GABRA1: variants seen among roughly 807,000 people sequenced by gnomAD.
GABRA1 encodes the protein gamma-aminobutyric acid type A receptor subunit alpha1.
Under a neutral mutation model 48.9 loss-of-function variants are expected in GABRA1, and 9 were observed. That is an observed-to-expected ratio of 0.18 (90% confidence interval 0.11 to 0.32). The LOEUF is 0.32. Among genes scored for constraint, GABRA1 ranks in the 10% least tolerant of loss-of-function variants. GABRA1 has a pLI of 1.00. For missense variants in GABRA1, 285 were observed against 553.8 expected (o/e 0.51, Z 4.87); for synonymous variants, 210 against 198.7 (o/e 1.06, Z -0.48).
chr5:161,881,354 G>A (rs781162311), intron 6 of GABRA1, among the ~76,000 whole-genome samples: 1 of 152,082 alleles, frequency 6.6e-6, no homozygotes, highest in African/African-American at 2.4e-5. Flanking sequence ...ATCAGAAAAG[G>A]TATGGAATTC....
chr5:161,853,993 C>A (rs1757548287), intron 2 of GABRA1, among the ~76,000 whole-genome samples, 165 bp from the exon 3 acceptor site: 1 of 151,564 alleles, frequency 6.6e-6, no homozygotes, highest in Admixed American at 6.6e-5. Context: ...TAATTAAATG[C>A]CCAGAGTTTA....
At position 161,897,155 on chromosome 5, in the gene GABRA1, C is replaced by T. The variant is rs771832995; in HGVS notation, c.1104C>T (p.Tyr368=). Residue 368 remains tyrosine (Y), a synonymous_variant, in exon 10 of 10, where the codon TAC becomes TAT. Coordinates refer to ENST00000393943, the MANE Select transcript of GABRA1 (RefSeq NM_001127644.2). ...KDPLIKKNNT[Y]APTATSYTPN... is the part of the protein sequence containing the mutation. ...CTCTTATTAAGAAAAACAACACTTACGCTCCAACAGCAACCAGCTACACCC... is the reference window on the plus strand; with the variant it reads ...CTCTTATTAAGAAAAACAACACTTATGCTCCAACAGCAACCAGCTACACCC... The T allele has an allele frequency of 3.4e-5, 55 of 1,613,902 alleles. No homozygotes were observed. The Middle Eastern group carries it at 4.9e-4, about 14-fold the overall frequency.
rs1476709358 is a variant in GABRA1 at position 161,850,839 on chromosome 5, G to C, written c.29G>C (p.Cys10Ser). Residue 10 changes from cysteine (C) to serine (S), a missense_variant, in exon 2 of 10, where the codon TGT becomes TCT. Coordinates refer to ENST00000393943, the MANE Select transcript of GABRA1 (RefSeq NM_001127644.2). MRKSPGLSD[C>S]LWAWILLLST... ...AGGAAAAGTCCAGGTCTGTCTGACTGTCTTTGGGCCTGGATCCTCCTTCTG... is the reference window on the plus strand; with the variant it reads ...AGGAAAAGTCCAGGTCTGTCTGACTCTCTTTGGGCCTGGATCCTCCTTCTG... 4 of 1,614,112 alleles carry C rather than the reference G, an allele frequency of 2.5e-6. No individual in the cohort carries two copies. The highest frequency in any genetic ancestry group is 1.7e-5 in the Admixed American group (1 of 60,008).
intron 7 of GABRA1, among the ~76,000 whole-genome samples, chr5:161,884,710 G>C (rs943735660): frequency 6.6e-6 from 1 of 152,124 alleles, no homozygotes; most frequent in Non-Finnish European, 1.5e-5. Flanking sequence ...AAGGAAGTTG[G>C]AGAATGTTGG....
chr5:161,879,650 T>C (rs1282861198), intron 6 of GABRA1, among the ~76,000 whole-genome samples: 1 of 152,186 alleles, frequency 6.6e-6, no homozygotes, highest in African/African-American at 2.4e-5. Context: ...CATCTTAAAA[T>C]ACTAACTTGC....
intron 2 of GABRA1, among the ~76,000 whole-genome samples, chr5:161,852,113 A>G (rs1028645461): frequency 6.6e-6 from 1 of 152,100 alleles, no homozygotes; most frequent in African/African-American, 2.4e-5. Flanking sequence ...ATGAAATGTC[A>G]TTAAAAAATC....
chr5:161,868,935 A>G (rs1753992068), intron 4 of GABRA1, among the ~76,000 whole-genome samples: 1 of 152,180 alleles, frequency 6.6e-6, no homozygotes, highest in African/African-American at 2.4e-5. Context: ...CCAACCAACA[A>G]TATTCCCTAT....
intron 4 of GABRA1, among the ~76,000 whole-genome samples, chr5:161,870,105 C>T (rs914178197): frequency 9.2e-5 from 14 of 152,132 alleles, no homozygotes; most frequent in African/African-American, 3.1e-4. Flanking sequence ...TCACTTCTCA[C>T]GATTGCAGGG....
chr5:161,850,616 T>C (rs1457771851), intron 1 of GABRA1, 180 bp from the exon 2 acceptor site: 6 of 620,978 alleles, frequency 9.7e-6, no homozygotes, highest in African/African-American at 3.7e-5. Flanking sequence ...AATGGAGAAA[T>C]GGAAGGGAAA....
intron 7 of GABRA1, among the ~76,000 whole-genome samples, chr5:161,887,186 A>G (rs1013266753): frequency 6.6e-6 from 1 of 152,180 alleles, no homozygotes; most frequent in Non-Finnish European, 1.5e-5. Flanking sequence ...TTTCTTCTGA[A>G]TGACTATTGT....
intron 4 of GABRA1, among the ~76,000 whole-genome samples, chr5:161,870,593 A>AAAAGAAAT (rs1561574024): frequency 6.7e-6 from 1 of 150,028 alleles, no homozygotes; most frequent in Non-Finnish European, 1.5e-5. Flanking sequence ...GAAAAAGAAA[A>AAAAGAAAT]AAAGAAAGAA....
Position 161,897,206 on chromosome 5 carries a change from C to A in GABRA1, c.1155C>A (p.Gly385=), listed in dbSNP as rs41308303. 1.1e-3 allele frequency: 1,851 copies of A among 1,614,124 alleles called. 2 individuals carry two copies. The highest frequency in any genetic ancestry group is 1.5e-3 in the Non-Finnish European group (1,732 of 1,180,006). The change falls in exon 10 of 10, where the codon GGC becomes GGA. Residue 385 remains glycine, a synonymous_variant. Transcript: ENST00000393943. The stretch of plus-strand genomic sequence containing the variant: ...CTAATTTGGCCAGGGGCGACCCGGG[C>A]TTAGCCACCATTGCTAAAAGTGCAA... ...YTPNLARGDP[G]LATIAKSATI... is the part of the protein sequence containing the mutation.
intron 2 of GABRA1, among the ~76,000 whole-genome samples, chr5:161,852,867 GTGTT>G (rs1757506365): frequency 6.6e-6 from 1 of 151,766 alleles, no homozygotes; most frequent in African/African-American, 2.4e-5. Context: ...CTGCAAAACA[GTGTT>G]TGTTTTTGAA....
intron 2 of GABRA1, 146 bp from the exon 3 acceptor site, chr5:161,854,012 A>G (rs929425192): frequency 1.7e-5 from 9 of 516,048 alleles, no homozygotes; most frequent in Non-Finnish European, 2.7e-5. Flanking sequence ...TAAAAATAAC[A>G]TTCCTTTTTA....
At chr5:161,884,495 G>A (rs1329607320) in intron 7 of GABRA1, among the ~76,000 whole-genome samples, 2 of 152,114 alleles carry the variant, frequency 1.3e-5, no homozygotes, top group African/African-American at 2.4e-5. Context: ...TGAGACATAG[G>A]AGGCATTGAA....
At chr5:161,875,791 G>T in intron 6 of GABRA1, 149 bp downstream of exon 6, 2 of 691,884 alleles carry the variant, frequency 2.9e-6, no homozygotes, top group East Asian at 5.4e-5. Context: ...AGTGCTCTGT[G>T]ACTTCACTTT....
At chr5:161,893,030 T>TAAA (rs1755182591) in intron 8 of GABRA1, among the ~76,000 whole-genome samples, 1 of 137,086 alleles carries the variant, frequency 7.3e-6, no homozygotes, top group Admixed American at 7.6e-5. Context: ...ATAATAATAA[T>TAAA]AATAATAATA....
At chr5:161,888,680 A>G (rs1754954354) in intron 7 of GABRA1, among the ~76,000 whole-genome samples, 1 of 151,980 alleles carries the variant, frequency 6.6e-6, no homozygotes, top group African/African-American at 2.4e-5. Flanking sequence ...GAAGTGTAGC[A>G]TGGGTATGTC....
chr5:161,879,864 T>A (rs1052188754), intron 6 of GABRA1, among the ~76,000 whole-genome samples: 2 of 152,176 alleles, frequency 1.3e-5, no homozygotes, highest in Admixed American at 1.3e-4. Flanking sequence ...TTTCCCCCTC[T>A]ACAACTATAT....
Sources: gnomAD v4.1 joint callset for allele counts (sites outside exome capture counted in the v4.1 genomes callset) on GRCh38, gnomAD v4.1.1 for gene constraint, MANE v1.5 for transcripts, NCBI Gene and HGNC (gene_info 2026-07-23, HGNC 2026-07-21) for gene names.